ME3: variants seen among roughly 807,000 people sequenced by gnomAD.
The protein encoded by ME3 is malic enzyme 3.
A neutral mutation model predicts 68.9 loss-of-function variants in ME3; 48 were observed. The observed-to-expected ratio is 0.70, with a 90% CI of 0.55 to 0.89. The LOEUF (loss-of-function observed/expected upper bound fraction) is 0.89, where lower values mean the gene tolerates loss of function less well. ME3 is among the 40% of genes least tolerant of loss of function. The pLI is 0.00. For synonymous variants in ME3, 320 were observed against 318.8 expected (o/e 1.00, Z -0.04); for missense variants, 675 against 797.4 (o/e 0.85, Z 1.85).
chr11:86,550,141 G>A (rs1183519431), intron 4 of ME3, among the ~76,000 whole-genome samples: 5 of 152,148 alleles, frequency 3.3e-5, no homozygotes, highest in African/African-American at 9.7e-5. Flanking sequence ...CTCCAGACAC[G>A]TTTAGTGCAC....
chr11:86,523,839 T>TTG (rs1341083502), intron 4 of ME3, among the ~76,000 whole-genome samples: 1 of 152,178 alleles, frequency 6.6e-6, no homozygotes, highest in African/African-American at 2.4e-5. Flanking sequence ...CAGCTGAAAT[T>TTG]GACACCTCTG....
chr11:86,559,365 C>T (rs1270145230), intron 3 of ME3, among the ~76,000 whole-genome samples: 1 of 152,108 alleles, frequency 6.6e-6, no homozygotes, highest in Admixed American at 6.6e-5. Flanking sequence ...CTCCCTGAAC[C>T]CCATTGCTGT....
chr11:86,644,256 A>G (rs536780120), intron 2 of ME3, among the ~76,000 whole-genome samples: 4 of 152,218 alleles, frequency 2.6e-5, no homozygotes, highest in Admixed American at 1.3e-4. Context: ...TCCTGCTCCA[A>G]TGACTGCACT....
chr11:86,590,844 T>C (rs1959010961), intron 2 of ME3, among the ~76,000 whole-genome samples: 1 of 152,188 alleles, frequency 6.6e-6, no homozygotes, highest in Non-Finnish European at 1.5e-5. Context: ...GTTCCAATTT[T>C]CCCTTTGATG....
intron 2 of ME3, among the ~76,000 whole-genome samples, chr11:86,616,574 AT>A (rs1291456923): frequency 6.6e-6 from 1 of 152,246 alleles, no homozygotes; most frequent in Non-Finnish European, 1.5e-5. Flanking sequence ...GTCACACAGC[AT>A]CAGAAAGTGG....
chr11:86,655,395 G>C lies in ME3; in HGVS notation c.183+16367C>G, dbSNP rs371435217. On this transcript the variant is annotated intron_variant, in intron 2 of 14. Transcript: ENST00000543262. ...AAACAGCATGGTACTGGTACCAAAA[G>C]AGAGATATAGATCAATGGAACAGAA... 1.9e-3 allele frequency among the ~76,000 whole-genome samples: 283 copies of C among 151,518 alleles called. 1 individual carries two copies. Among genetic ancestry groups the C allele is most frequent in the South Asian group, 2.5e-3 (12 of 4,808 alleles).
intron 4 of ME3, among the ~76,000 whole-genome samples, chr11:86,523,387 A>T (rs1253713550): frequency 6.6e-6 from 1 of 152,328 alleles, no homozygotes; most frequent in Non-Finnish European, 1.5e-5. Context: ...GTAAGAAACC[A>T]TTGTGCCTTC....
rs564335159 is a variant in ME3, at chr11:86,670,091, C to T, written c.183+1671G>A. 7.2e-5 allele frequency among the ~76,000 whole-genome samples: 11 copies of T among 152,186 alleles called. No individual in the cohort carries two copies. In the East Asian group the frequency reaches 9.7e-4, roughly 13 times the overall value. On this transcript the variant is annotated intron_variant, in intron 2 of 14. Transcript: ENST00000543262. ...TTTAACTCCAGGGGTGGGCTCTGAC[C>T]GGCTTTAATTACTGGTGATTGGTTT...
chr11:86,537,890 C>T (rs1048125972), intron 4 of ME3, among the ~76,000 whole-genome samples: 1 of 152,200 alleles, frequency 6.6e-6, no homozygotes, highest in African/African-American at 2.4e-5. Context: ...ATCTTGGGAG[C>T]AGGAGCTCCA....
chr11:86,455,651 A>G (rs1434337402), intron 8 of ME3, among the ~76,000 whole-genome samples: 1 of 152,116 alleles, frequency 6.6e-6, no homozygotes, highest in East Asian at 1.9e-4. Context: ...CTGCTATTCT[A>G]CCTATCTAGA....
At position 86,466,911 on chromosome 11, in the gene ME3, C is replaced by G. The variant is rs1950510171; in HGVS notation, c.810-1711G>C. Among the ~76,000 whole-genome samples, 3 of 152,212 alleles carry G rather than the reference C, an allele frequency of 2.0e-5. No individual in the cohort carries two copies. The South Asian group carries it at 6.2e-4, about 32-fold the overall frequency. On this transcript the variant is annotated intron_variant, in intron 7 of 14. Transcript: ENST00000543262. ...GTTACCTGCACATGTCACTTCACCTCTCTATTCTACCTCAGTTTCCCATCC... is the reference window on the plus strand; with the variant it reads ...GTTACCTGCACATGTCACTTCACCTGTCTATTCTACCTCAGTTTCCCATCC...
chr11:86,508,821 G>T, exon 5 of ME3: 1 of 1,613,560 alleles, frequency 6.2e-7, no homozygotes, highest in Non-Finnish European at 8.5e-7. Context: ...CAAGAATTCA[G>T]CATTGTTGCA....
intron 8 of ME3, among the ~76,000 whole-genome samples, chr11:86,462,862 G>A (rs2138716385): frequency 6.6e-6 from 1 of 152,298 alleles, no homozygotes; most frequent in Admixed American, 6.5e-5. Context: ...CCCTGGGCAG[G>A]AGACCCTGGA....
intron 2 of ME3, among the ~76,000 whole-genome samples, chr11:86,647,459 T>A (rs939172097): frequency 4.0e-5 from 6 of 149,260 alleles, no homozygotes; most frequent in African/African-American, 1.2e-4. Context: ...CACTCCAGCC[T>A]GGGAGACACA....
intron 4 of ME3, among the ~76,000 whole-genome samples, chr11:86,509,649 G>T (rs1953366712): frequency 1.3e-5 from 2 of 151,644 alleles, no homozygotes; most frequent in South Asian, 2.1e-4. Flanking sequence ...GCCAGGAAAT[G>T]AAGAGGGGGT....
At chr11:86,629,846 T>A (rs978108921) in intron 2 of ME3, among the ~76,000 whole-genome samples, 2 of 152,162 alleles carry the variant, frequency 1.3e-5, no homozygotes, top group African/African-American at 4.8e-5. Context: ...GCAGCTTAGA[T>A]GGCTGAGAAC....
intron 7 of ME3, among the ~76,000 whole-genome samples, chr11:86,483,860 A>G (rs1247420609): frequency 6.6e-6 from 1 of 152,214 alleles, no homozygotes; most frequent in Non-Finnish European, 1.5e-5. Context: ...CATCCTTGCT[A>G]CTGTAAGTAA....
chr11:86,623,665 A>G (rs999016930), intron 2 of ME3, among the ~76,000 whole-genome samples: 1 of 152,242 alleles, frequency 6.6e-6, no homozygotes, highest in African/African-American at 2.4e-5. Flanking sequence ...TCGAGAGTCA[A>G]GTAACCAAGG....
chr11:86,585,355 A>G (rs1958669967), intron 2 of ME3, among the ~76,000 whole-genome samples: 1 of 152,208 alleles, frequency 6.6e-6, no homozygotes, highest in Non-Finnish European at 1.5e-5. Context: ...AGCTTGTGCT[A>G]GGATGGTGGA....
Sources: gnomAD v4.1 joint callset for allele counts (sites outside exome capture counted in the v4.1 genomes callset) on GRCh38, gnomAD v4.1.1 for gene constraint, MANE v1.5 for transcripts, NCBI Gene and HGNC (gene_info 2026-07-23, HGNC 2026-07-21) for gene names.